Variants in NFU1 observed in about 807,000 individuals in gnomAD.
The protein encoded by NFU1 is NFU1 iron-sulfur cluster scaffold homolog, mitochondrial.
Under a neutral mutation model 32.2 loss-of-function variants are expected in NFU1, and 30 were observed. The observed-to-expected ratio is 0.93, with a 90% CI of 0.70 to 1.26. NFU1 has a LOEUF of 1.26. NFU1 is among the 50% of genes most tolerant of loss of function. The pLI, the probability that NFU1 is intolerant of heterozygous loss-of-function variation, is 0.00. For missense variants in NFU1, 306 were observed against 306.6 expected (o/e 1.00, Z 0.02); for synonymous variants, 112 against 104.6 (o/e 1.07, Z -0.43).
At chr2:69,406,567 A>G (rs1422223257) in intron 5 of NFU1, among the ~76,000 whole-genome samples, 1 of 152,004 alleles carries the variant, frequency 6.6e-6, no homozygotes, top group Non-Finnish European at 1.5e-5. Flanking sequence ...AATTTCTGAA[A>G]TGTTCTTTTA....
intron 5 of NFU1, among the ~76,000 whole-genome samples, chr2:69,407,583 G>A (rs187089175): frequency 2.8e-4 from 41 of 148,892 alleles, no homozygotes; most frequent in African/African-American, 9.7e-4. Flanking sequence ...AGGCTGACAC[G>A]AGAATCACTT....
intron 7 of NFU1, among the ~76,000 whole-genome samples, chr2:69,397,339 A>T (rs1364709669): frequency 3.3e-5 from 5 of 152,236 alleles, no homozygotes; most frequent in Non-Finnish European, 7.3e-5. Context: ...GGAAAATGTT[A>T]CAACAGCTAT....
chr2:69,413,958 A>T, intron 5 of NFU1, among the ~76,000 whole-genome samples: 1 of 144,622 alleles, frequency 6.9e-6, no homozygotes, highest in African/African-American at 2.6e-5. Flanking sequence ...GAGGCAGGAG[A>T]ATCACTGGAA....
Position 69,415,176 on chromosome 2 carries a change from A to T in NFU1, c.484+9T>A. ...GGACAAATTTTAATTACTCAATACA[A>T]CATGTTACCTGCTTCTCCTGAAGGT... On this transcript the variant is annotated intron_variant, in intron 5 of 7. Transcript: ENST00000410022. 3 of 1,483,198 alleles carry T rather than the reference A, an allele frequency of 2.0e-6. No individual in the cohort carries two copies. Among genetic ancestry groups the T allele is most frequent in the Non-Finnish European group, 2.8e-6 (3 of 1,060,702 alleles). 91.9% of individuals were successfully genotyped at this position (1,483,198 alleles called of 1,614,324 possible). A position where few individuals can be genotyped will look rare whatever the true frequency, so the allele number is the denominator to read the frequency against.
chr2:69,427,525 C>A (rs1673501040), intron 2 of NFU1, among the ~76,000 whole-genome samples: 1 of 150,404 alleles, frequency 6.6e-6, no homozygotes, highest in Non-Finnish European at 1.5e-5. Flanking sequence ...ACTATAAACA[C>A]AAACGTCAGC....
upstream of NFU1, among the ~76,000 whole-genome samples, chr2:69,438,408 G>C (rs551683332): frequency 6.6e-6 from 1 of 151,964 alleles, no homozygotes; most frequent in East Asian, 1.9e-4. Flanking sequence ...TGTGAGCCAC[G>C]GTGCCTGGCT....
At chr2:69,397,914 CAAAAAAA>C (rs56659765) in intron 7 of NFU1, among the ~76,000 whole-genome samples, 1 of 107,344 alleles carries the variant, frequency 9.3e-6, no homozygotes, top group East Asian at 2.8e-4. Context: ...AACTACGTCT[CAAAAAAA>C]AAAAAAAAAA....
intron 5 of NFU1, among the ~76,000 whole-genome samples, chr2:69,414,347 G>A (rs1452827329): frequency 6.6e-6 from 1 of 151,984 alleles, no homozygotes; most frequent in Non-Finnish European, 1.5e-5. Flanking sequence ...GTTAGGCACG[G>A]TGGTTCATGC....
chr2:69,439,524 G>C (rs1451100822), upstream of NFU1, among the ~76,000 whole-genome samples: 3 of 152,198 alleles, frequency 2.0e-5, no homozygotes, highest in African/African-American at 7.2e-5. Flanking sequence ...AAGAGCAAAA[G>C]AACAAAGCTT....
chr2:69,423,144 A>G (rs1673300717), intron 3 of NFU1, among the ~76,000 whole-genome samples: 1 of 97,738 alleles, frequency 1.0e-5, no homozygotes, highest in Non-Finnish European at 2.1e-5. Flanking sequence ...ACTCAGCTAA[A>G]TTTGTGTGTG....
chr2:69,418,995 A>T (rs1673149311), intron 4 of NFU1, among the ~76,000 whole-genome samples: 1 of 152,192 alleles, frequency 6.6e-6, no homozygotes, highest in Admixed American at 6.6e-5. Flanking sequence ...CCTTTCTAGC[A>T]GATACTGCCT....
At chr2:69,432,597 G>T (rs997519814) in intron 1 of NFU1, among the ~76,000 whole-genome samples, 11 of 151,700 alleles carry the variant, frequency 7.3e-5, no homozygotes, top group African/African-American at 2.7e-4. Flanking sequence ...AAACAGAATT[G>T]TATCTACATT....
chr2:69,431,033 T>A (rs1411263340), intron 2 of NFU1, among the ~76,000 whole-genome samples: 2 of 152,218 alleles, frequency 1.3e-5, no homozygotes, highest in Non-Finnish European at 2.9e-5. Flanking sequence ...TCATCACACT[T>A]CAAATTATTT....
At chr2:69,435,495 TAAC>T (rs1382603961) in intron 1 of NFU1, among the ~76,000 whole-genome samples, 2 of 152,200 alleles carry the variant, frequency 1.3e-5, no homozygotes, top group African/African-American at 4.8e-5. Context: ...AATTAAGTAT[TAAC>T]AAAATACAGA....
chr2:69,419,647 A>G, intron 3 of NFU1, 43 bp from the exon 4 acceptor site: 1 of 1,178,342 alleles, frequency 8.5e-7, no homozygotes, highest in Non-Finnish European at 1.3e-6. Flanking sequence ...ATGCTTGATT[A>G]TGGAAAAGTT....
chr2:69,404,488 C>CA lies in NFU1; in HGVS notation c.545+1533dup, dbSNP rs1311341166. 1.5e-3 allele frequency among the ~76,000 whole-genome samples: 216 copies of CA among 141,818 alleles called. 1 individual carries two copies. The highest frequency in any genetic ancestry group is 0.012 in the Admixed American group (170 of 14,314). The allele number at this position is 141,818 out of a possible 152,430, so 93.0% of individuals were successfully genotyped here. The stretch of plus-strand genomic sequence containing the variant: ...TGGGTGACAGAGCAAGACTCTGTCT[C>CA]AAAAAAAAAATATCTGTATACACCA... On this transcript the variant is annotated intron_variant, in intron 6 of 7. Transcript: ENST00000410022.
At chr2:69,410,337 C>G (rs531495859) in intron 5 of NFU1, among the ~76,000 whole-genome samples, 1 of 151,886 alleles carries the variant, frequency 6.6e-6, no homozygotes, top group East Asian at 1.9e-4. Context: ...TGCAGTGAGC[C>G]GAGATCGCAC....
At chr2:69,405,233 G>A (rs186890308) in intron 6 of NFU1, among the ~76,000 whole-genome samples, 36 of 152,074 alleles carry the variant, frequency 2.4e-4, no homozygotes, top group Admixed American at 2.1e-3. Context: ...GCAAGACTCC[G>A]TCTTAAAAAA....
At chr2:69,435,233 T>A (rs1253141525) in intron 1 of NFU1, among the ~76,000 whole-genome samples, 7 of 152,230 alleles carry the variant, frequency 4.6e-5, no homozygotes. Flanking sequence ...CAAAGTTAGC[T>A]TGGCCCAAGC....
Sources: gnomAD v4.1 joint callset for allele counts (sites outside exome capture counted in the v4.1 genomes callset) on GRCh38, gnomAD v4.1.1 for gene constraint, MANE v1.5 for transcripts, NCBI Gene and HGNC (gene_info 2026-07-23, HGNC 2026-07-21) for gene names.